The following PSD variants were observed in gnomAD, a reference collection of about 807,000 sequenced individuals.
The protein encoded by PSD is pleckstrin and Sec7 domain containing, also known as PH and SEC7 domain-containing protein 1.
In PSD, 32 loss-of-function variants were observed where a neutral mutation model predicts 91.6. The ratio of observed to expected loss-of-function variants is 0.35; its 90% CI spans 0.26 to 0.47. The LOEUF (loss-of-function observed/expected upper bound fraction) is 0.47. Ranked by LOEUF, PSD falls within the 20% of genes least tolerant of loss-of-function variation. The pLI is 1.00. For synonymous variants in PSD, 532 were observed against 569.3 expected (o/e 0.93, Z 0.93); for missense variants, 1,099 against 1,373.9 (o/e 0.80, Z 3.16).
At position 102,410,245 on chromosome 10, in the gene PSD, C is replaced by T. The variant is rs571000278; in HGVS notation, c.2091+613G>A. ...TGGATGAGCCACTCCCTTCTCCTAC[C>T]GGCACCAGCCCCTACGTATCTGAGC... On this transcript the variant is annotated intron_variant, in intron 10 of 16. Coordinates refer to ENST00000020673, the MANE Select transcript of PSD (RefSeq NM_002779.5). This position sits in a 1 kb window ranked among gnomAD's most constrained non-coding sequence, Gnocchi z 6.0. Among the ~76,000 whole-genome samples the T allele has an allele frequency of 3.3e-5, 5 of 152,326 alleles. No individual in the cohort carries two copies. The East Asian group carries it at 9.6e-4, about 29-fold the overall frequency.
In PSD at chr10:102,416,070, A is replaced by G. The variant is rs1235239103; in HGVS notation, c.704T>C (p.Ile235Thr). The change falls in exon 3 of 17, where the codon ATC becomes ACC. Residue 235 changes from isoleucine (I) to threonine (T), a missense_variant. Ile to Thr is a moderately conservative substitution (Grantham distance 89). This residue lies in a region of PSD where 631 missense variants were observed against 728.8 expected (regional missense o/e 0.87). Transcript: ENST00000020673. This position sits in a 1 kb window ranked among gnomAD's most constrained non-coding sequence, Gnocchi z 6.0. ...GAAGAATTCCCATTTGGCTCTAGCGATTCTCTGGGCATGAGAGGAGACTTC... is the reference window on the plus strand; with the variant it reads ...GAAGAATTCCCATTTGGCTCTAGCGGTTCTCTGGGCATGAGAGGAGACTTC... ...PREVSSHAQR[I>T]ARAKWEFFYG... is the part of the protein sequence containing the mutation. 4.3e-6 allele frequency: 7 copies of G among 1,613,890 alleles called. No individual in the cohort carries two copies. Among genetic ancestry groups the G allele is most frequent in the African/African-American group, 4.0e-5 (3 of 74,922 alleles).
At position 102,414,192 on chromosome 10, in the gene PSD, C is replaced by T; in HGVS notation, c.1130G>A (p.Gly377Glu). The change falls in exon 5 of 17, where the codon GGG (glycine) becomes GAG (glutamate). Residue 377 changes from glycine to glutamate, a missense_variant. Around this residue, in one of 3 missense-constraint regions of PSD, gnomAD observed 631 missense variants for 728.8 expected, o/e 0.87. Coordinates refer to ENST00000020673, the MANE Select transcript of PSD (RefSeq NM_002779.5). The surrounding 1 kb of genome is among the most constrained non-coding windows in gnomAD (Gnocchi z 5.6). ...VFEASEGARP[G>E]SRMPLKSPVP... Reference sequence around the variant, plus strand: ...AGGTGACTTGAGAGGCATCCGGCTCCCTGGCCTGCAGGGGCAGGGAGAATC... The same window carrying T: ...AGGTGACTTGAGAGGCATCCGGCTCTCTGGCCTGCAGGGGCAGGGAGAATC... The T allele has an allele frequency of 1.9e-6, 3 of 1,604,992 alleles. No individual in the cohort carries two copies. Among genetic ancestry groups the T allele is most frequent in the Non-Finnish European group, 2.6e-6 (3 of 1,174,708 alleles).
At position 102,412,283 on chromosome 10, in the gene PSD, GT is replaced by G. The variant is rs1427717073; in HGVS notation, c.1749-57del. The stretch of plus-strand genomic sequence containing the variant: ...CTCAAGGGGAAGTGCAGGGGGTCAG[GT>G]GGGGATTACCCAATGACCAGGGGAC... On this transcript the variant is annotated intron_variant, in intron 6 of 16. Transcript: ENST00000020673. 3 of 1,607,298 alleles carry G rather than the reference GT, an allele frequency of 1.9e-6. No homozygotes were observed. In the East Asian group the frequency reaches 6.7e-5, roughly 36 times the overall value.
In PSD at chr10:102,413,792, C is replaced by G. The variant is rs146640429; in HGVS notation, c.1530G>C (p.Gly510=). 215 of 1,613,612 alleles carry G rather than the reference C, an allele frequency of 1.3e-4. 1 individual carries two copies. In the African/African-American group the frequency reaches 2.6e-3, roughly 20 times the overall value. The change falls in exon 5 of 17, where the codon GGG becomes GGC. Residue 510 remains glycine (G), a synonymous_variant. Transcript: ENST00000020673. ...PSPCHSEDSL[G]LGAAPLGSEP... is the part of the protein sequence containing the mutation. ...ACCTGCCAAGGGGTGCTGCCCCCAG[C>G]CCAAGGCTGTCCTCTGAGTGGCAGG...
chr10:102,415,997 G>A lies in PSD; in HGVS notation c.757+20C>T. The A allele has an allele frequency of 1.3e-6, 2 of 1,593,970 alleles. No homozygotes were observed. The highest frequency in any genetic ancestry group is 1.7e-6 in the Non-Finnish European group (2 of 1,164,982). On this transcript the variant is annotated intron_variant, in intron 3 of 16. Transcript: ENST00000020673. The stretch of plus-strand genomic sequence containing the variant: ...GGGAAGGCCCTGCCCTGTTCTCCCT[G>A]CCTCAGTCCCAGGCCTTACCTGAGC...
At chr10:102,415,328 GA>G in intron 3 of PSD, 99 bp from the exon 4 acceptor site, 1 of 1,384,828 alleles carries the variant, frequency 7.2e-7, no homozygotes, top group Non-Finnish European at 9.6e-7. Flanking sequence ...ATATTGACAG[GA>G]AGTTCTTTCA....
chr10:102,403,563 C>T lies in PSD; in HGVS notation c.2845-133G>A, dbSNP rs771764607. 3.1e-5 allele frequency: 28 copies of T among 910,268 alleles called. No homozygotes were observed. The highest frequency in any genetic ancestry group is 1.0e-4 in the South Asian group (6 of 57,968). 56.4% of individuals were successfully genotyped at this position (910,268 alleles called of 1,614,324 possible). On this transcript the variant is annotated intron_variant, in intron 16 of 16. Transcript: ENST00000020673. The surrounding 1 kb of genome is among the most constrained non-coding windows in gnomAD (Gnocchi z 6.7). ...CCCAGGACTGTGAGATGGTCCCATG[C>T]GGGCTGGTGCCCCCTCTGGGCTCTC...
chr10:102,405,672 C>T lies in PSD; in HGVS notation c.2136-136G>A, dbSNP rs925088577. 1 of 786,492 alleles carries T rather than the reference C, an allele frequency of 1.3e-6. No individual in the cohort carries two copies. Among genetic ancestry groups the T allele is most frequent in the Non-Finnish European group, 2.0e-6 (1 of 503,860 alleles). 48.7% of individuals were successfully genotyped at this position (786,492 alleles called of 1,614,324 possible). A position where few individuals can be genotyped will look rare whatever the true frequency, so the allele number is the denominator to read the frequency against. ...GCTCAACCTGAGGGTCCTGCCATGT[C>T]TCCCGTCTCAGATCAGGCCTCCACA... On this transcript the variant is annotated intron_variant, in intron 11 of 16. Transcript: ENST00000020673. This position sits in a 1 kb window ranked among gnomAD's most constrained non-coding sequence, Gnocchi z 5.4.
In PSD at chr10:102,403,556, TC is replaced by T. The variant is rs2061312137; in HGVS notation, c.2845-127del. On this transcript the variant is annotated intron_variant, in intron 16 of 16. Transcript: ENST00000020673. This position sits in a 1 kb window ranked among gnomAD's most constrained non-coding sequence, Gnocchi z 6.7. ...GTGCCCACCCAGGACTGTGAGATGG[TC>T]CCATGCGGGCTGGTGCCCCCTCTGG... is the stretch of plus-strand genomic sequence containing the variant. 2.1e-6 allele frequency: 2 copies of T among 962,056 alleles called. No individual in the cohort carries two copies. The highest frequency in any genetic ancestry group is 3.0e-6 in the Non-Finnish European group (2 of 661,058). The allele number at this position is 962,056 out of a possible 1,614,324, so 59.6% of individuals were successfully genotyped here.
intron 10 of PSD, chr10:102,408,830 C>T (rs2061392894): frequency 2.1e-6 from 2 of 971,026 alleles, no homozygotes; most frequent in Non-Finnish European, 2.4e-6. Flanking sequence ...CCCTCGGTGC[C>T]TCCCACAAGC....
Position 102,418,731 on chromosome 10 carries a change from A to G in PSD, c.-114T>C. On this transcript the variant is annotated 5_prime_UTR_variant, in exon 1 of 17. Transcript: ENST00000020673. ...CTCGCCCAGAGCTGAGACCGAGGAG[A>G]GACAGAGGAGAGGCTGGGCCCAGCT... The G allele has an allele frequency of 2.2e-6, 1 of 455,760 alleles. No individual in the cohort carries two copies. 28.2% of individuals were successfully genotyped at this position (455,760 alleles called of 1,614,324 possible). A position where few individuals can be genotyped will look rare whatever the true frequency, so the allele number is the denominator to read the frequency against.
At position 102,403,250 on chromosome 10, in the gene PSD, G is replaced by A. The variant is rs2061305922; in HGVS notation, c.3025C>T (p.His1009Tyr). ...GCCCCTGGCCGAGGCTCTGAGCTGTGACGCTGAGCCCGGGGCTGGCTGGAG... is the reference window on the plus strand; with the variant it reads ...GCCCCTGGCCGAGGCTCTGAGCTGTAACGCTGAGCCCGGGGCTGGCTGGAG... ...KPSSQPRAQR[H>Y]SSEPRPGAGS... is the part of the protein sequence containing the mutation. Residue 1009 changes from histidine (H) to tyrosine (Y), a missense_variant, in exon 17 of 17, where the codon CAC (histidine) becomes TAC (tyrosine). His to Tyr is a moderately conservative substitution (Grantham distance 83, BLOSUM62 2). This residue lies in a region of PSD where 358 missense variants were observed against 426.5 expected (regional missense o/e 0.84). Coordinates refer to ENST00000020673, the MANE Select transcript of PSD (RefSeq NM_002779.5). The surrounding 1 kb of genome is among the most constrained non-coding windows in gnomAD (Gnocchi z 6.7). 2 of 1,606,510 alleles carry A rather than the reference G, an allele frequency of 1.2e-6. No individual in the cohort carries two copies. The highest frequency in any genetic ancestry group is 1.7e-6 in the Non-Finnish European group (2 of 1,175,126).
chr10:102,403,721 C>T lies in PSD; in HGVS notation c.2844+121G>A. The T allele has an allele frequency of 1.5e-6, 2 of 1,309,296 alleles. No individual in the cohort carries two copies. The highest frequency in any genetic ancestry group is 2.1e-6 in the Non-Finnish European group (2 of 971,318). 81.1% of individuals were successfully genotyped at this position (1,309,296 alleles called of 1,614,324 possible). ...TATCCTTGTTGCACAGAGGAGGAAA[C>T]TGAGGCTTAGGTTAAGCAACCTGCC... On this transcript the variant is annotated intron_variant, in intron 16 of 16. Coordinates refer to ENST00000020673, the MANE Select transcript of PSD (RefSeq NM_002779.5). The surrounding 1 kb of genome is among the most constrained non-coding windows in gnomAD (Gnocchi z 6.7).
In PSD at chr10:102,414,788, G is replaced by A. The variant is rs956796190; in HGVS notation, c.1124+75C>T. ...TCTCTATCCCAGGCCCTTTGAGCCC[G>A]GCTCTGCCTGTGGGCCAGTGCGAAG... On this transcript the variant is annotated intron_variant, in intron 4 of 16. Coordinates refer to ENST00000020673, the MANE Select transcript of PSD (RefSeq NM_002779.5). The surrounding 1 kb of genome is among the most constrained non-coding windows in gnomAD (Gnocchi z 5.6). 29 of 1,462,948 alleles carry A rather than the reference G, an allele frequency of 2.0e-5. No homozygotes were observed. The highest frequency in any genetic ancestry group is 4.6e-5 in the East Asian group (2 of 43,032). The allele number at this position is 1,462,948 out of a possible 1,614,324, so 90.6% of individuals were successfully genotyped here. A position where few individuals can be genotyped will look rare whatever the true frequency, so the allele number is the denominator to read the frequency against.
In PSD at chr10:102,409,352, A is replaced by T; in HGVS notation, c.2091+1506T>A. 1 of 985,246 alleles carries T rather than the reference A, an allele frequency of 1.0e-6. No homozygotes were observed. The highest frequency in any genetic ancestry group is 1.2e-6 in the Non-Finnish European group (1 of 829,740). The allele number at this position is 985,246 out of a possible 1,614,324, so 61.0% of individuals were successfully genotyped here. A position where few individuals can be genotyped will look rare whatever the true frequency, so the allele number is the denominator to read the frequency against. On this transcript the variant is annotated intron_variant, in intron 10 of 16. Coordinates refer to ENST00000020673, the MANE Select transcript of PSD (RefSeq NM_002779.5). The surrounding 1 kb of genome is among the most constrained non-coding windows in gnomAD (Gnocchi z 5.7). ...GGGCTGGGGGCGGGGACCGCATGAA[A>T]TGGAGGCGCCCGATCGCGAAGGGGG...
At position 102,405,286 on chromosome 10, in the gene PSD, G is replaced by A. The variant is rs2135449835; in HGVS notation, c.2327-33C>T. ...GAGAGAAGACAGGTCAGGGGGCCCT[G>A]GAACAGGCCCACTCCCATCCATCCC... On this transcript the variant is annotated intron_variant, in intron 12 of 16. Coordinates refer to ENST00000020673, the MANE Select transcript of PSD (RefSeq NM_002779.5). The surrounding 1 kb of genome is among the most constrained non-coding windows in gnomAD (Gnocchi z 5.4). 10 of 1,609,590 alleles carry A rather than the reference G, an allele frequency of 6.2e-6. No individual in the cohort carries two copies. The highest frequency in any genetic ancestry group is 1.3e-5 in the African/African-American group (1 of 75,022).
chr10:102,418,876 A>G, upstream of PSD: 2 of 278,218 alleles, frequency 7.2e-6, no homozygotes, highest in South Asian at 4.0e-5. Flanking sequence ...GCCCTCTCCC[A>G]GGGCCCAGAG....
At chr10:102,406,664 C>A (rs1449240807) in intron 11 of PSD, among the ~76,000 whole-genome samples, 1 of 152,184 alleles carries the variant, frequency 6.6e-6, no homozygotes, top group Non-Finnish European at 1.5e-5. Flanking sequence ...CGTGCCACCA[C>A]GCCCGGCTAA....
rs944221236 is a variant in PSD at position 102,410,439 on chromosome 10, G to A, written c.2091+419C>T. On this transcript the variant is annotated intron_variant, in intron 10 of 16. Coordinates refer to ENST00000020673, the MANE Select transcript of PSD (RefSeq NM_002779.5). This position sits in a 1 kb window ranked among gnomAD's most constrained non-coding sequence, Gnocchi z 6.0. ...GGTTCCTGCAGCGCAGCAGCACCGG[G>A]AAGGTCTTTTTGGCTGTCCACGCGG... Among the ~76,000 whole-genome samples, 20 of 152,196 alleles carry A rather than the reference G, an allele frequency of 1.3e-4. No individual in the cohort carries two copies. The highest frequency in any genetic ancestry group is 4.3e-4 in the African/African-American group (18 of 41,448).
Sources: gnomAD v4.1 joint callset for allele counts (sites outside exome capture counted in the v4.1 genomes callset) on GRCh38, gnomAD v4.1.1 for gene constraint, gnomAD v4.1.1 regional missense constraint, Gnocchi (gnomAD v3.1) non-coding constraint, MANE v1.5 for transcripts, NCBI Gene and HGNC (gene_info 2026-07-23, HGNC 2026-07-21) for gene names.